The following NETO2 variants were observed in gnomAD, a reference collection of about 807,000 sequenced individuals.
NETO2 encodes neuropilin and tolloid-like protein 2.
A neutral mutation model predicts 62.5 loss-of-function variants in NETO2; 28 were observed. That is an observed-to-expected ratio of 0.45 (90% confidence interval 0.33 to 0.61). NETO2 has a LOEUF of 0.61. Ranked by LOEUF, NETO2 falls within the 20% of genes least tolerant of loss-of-function variation. NETO2 has a pLI of 0.02. For missense variants in NETO2, 548 were observed against 643.2 expected (o/e 0.85, Z 1.60); for synonymous variants, 214 against 219.1 (o/e 0.98, Z 0.21).
At chr16:47,116,597 TTGTC>T (rs1017341123) in intron 6 of NETO2, among the ~76,000 whole-genome samples, 4 of 152,196 alleles carry the variant, frequency 2.6e-5, no homozygotes, top group African/African-American at 7.2e-5. Context: ...TAATGTCTCT[TTGTC>T]TGTTGGTATC....
intron 4 of NETO2, among the ~76,000 whole-genome samples, chr16:47,123,326 C>CA (rs1296797200): frequency 3.0e-4 from 46 of 151,926 alleles, no homozygotes; most frequent in African/African-American, 9.9e-4. Flanking sequence ...TACTTAACGC[C>CA]ACTGAATTAC....
Position 47,143,901 on chromosome 16 carries a change from G to A in NETO2, c.-289C>T, listed in dbSNP as rs1232307724. On this transcript the variant is annotated 5_prime_UTR_variant, in exon 1 of 9. Transcript: ENST00000562435. The stretch of plus-strand genomic sequence containing the variant: ...GAGTGCGGACGCGCGGCGCGGGACC[G>A]GCAGGCAGCTCCGCCCGCGGCCCCG... 1.0e-4 allele frequency: 21 copies of A among 210,002 alleles called. No homozygotes were observed. The highest frequency in any genetic ancestry group is 6.8e-4 in the East Asian group (6 of 8,798). The allele number at this position is 210,002 out of a possible 1,614,324, so 13.0% of individuals were successfully genotyped here.
chr16:47,138,695 C>A (rs1387454431), intron 1 of NETO2, among the ~76,000 whole-genome samples: 2 of 152,198 alleles, frequency 1.3e-5, no homozygotes, highest in African/African-American at 4.8e-5. Context: ...TACACAGCAG[C>A]CAGTGACCTT....
intron 7 of NETO2, among the ~76,000 whole-genome samples, chr16:47,097,290 C>T (rs1204868323): frequency 6.6e-6 from 1 of 152,224 alleles, no homozygotes; most frequent in African/African-American, 2.4e-5. Flanking sequence ...TTCTCACTGC[C>T]AGCACAGCAG....
chr16:47,134,227 G>C (rs1029423892), intron 1 of NETO2, among the ~76,000 whole-genome samples: 1 of 151,988 alleles, frequency 6.6e-6, no homozygotes, highest in Non-Finnish European at 1.5e-5. Flanking sequence ...TATTCAGTTC[G>C]TATCTTAAAA....
chr16:47,115,962 T>C (rs1963912659), intron 6 of NETO2, among the ~76,000 whole-genome samples: 2 of 151,662 alleles, frequency 1.3e-5, no homozygotes, highest in African/African-American at 4.8e-5. Flanking sequence ...TATGGAAATT[T>C]TTATATAGAC....
In NETO2 at chr16:47,107,604, T is replaced by C. The variant is rs1963702037; in HGVS notation, c.883+1879A>G. Among the ~76,000 whole-genome samples the C allele has an allele frequency of 3.3e-5, 5 of 152,172 alleles. No homozygotes were observed. The South Asian group carries it at 1.0e-3, about 32-fold the overall frequency. On this transcript the variant is annotated intron_variant, in intron 7 of 8. Transcript: ENST00000562435. Reference sequence around the variant, plus strand: ...CTTGGAAATGCGGCTGGTCCAGCGTTGGGTCAGGGAAAACACTAGTTGAGC... The same window carrying C: ...CTTGGAAATGCGGCTGGTCCAGCGTCGGGTCAGGGAAAACACTAGTTGAGC...
chr16:47,127,717 C>A (rs989118265), intron 4 of NETO2, among the ~76,000 whole-genome samples: 6 of 152,188 alleles, frequency 3.9e-5, no homozygotes, highest in African/African-American at 1.4e-4. Flanking sequence ...TCTGAAGTGG[C>A]CAAATTTGAG....
At chr16:47,116,314 C>T (rs1299457887) in intron 6 of NETO2, among the ~76,000 whole-genome samples, 1 of 151,990 alleles carries the variant, frequency 6.6e-6, no homozygotes, top group East Asian at 1.9e-4. Flanking sequence ...AGATACCCTT[C>T]TTCAGGTTAT....
At chr16:47,088,349 G>A (rs141889892) in intron 7 of NETO2, among the ~76,000 whole-genome samples, 3,078 of 152,170 alleles carry the variant, frequency 0.02, 105 homozygotes, top group African/African-American at 0.07. Context: ...TAAGTGATCT[G>A]CCTGCCTCAG....
intron 2 of NETO2, among the ~76,000 whole-genome samples, chr16:47,129,963 C>T (rs7200954): frequency 0.36 from 54,562 of 152,006 alleles, 11,623 homozygotes; most frequent in East Asian, 0.74. Context: ...TTTAAAAACA[C>T]GAGGCTAGTT....
At chr16:47,104,329 G>C (rs1963623123) in intron 7 of NETO2, among the ~76,000 whole-genome samples, 1 of 152,156 alleles carries the variant, frequency 6.6e-6, no homozygotes, top group Admixed American at 6.5e-5. Flanking sequence ...AACTAAGGGG[G>C]CAAAACATTT....
chr16:47,086,990 A>G (rs1963203688), intron 7 of NETO2, among the ~76,000 whole-genome samples: 2 of 152,014 alleles, frequency 1.3e-5, no homozygotes, highest in Non-Finnish European at 2.9e-5. Flanking sequence ...TACAACATGG[A>G]CAAAGCCACA....
intron 4 of NETO2, among the ~76,000 whole-genome samples, chr16:47,127,639 A>G (rs1305264383): frequency 6.6e-6 from 1 of 152,190 alleles, no homozygotes; most frequent in African/African-American, 2.4e-5. Flanking sequence ...AGGTTCCTAG[A>G]GGGAGTGAGG....
Position 47,083,436 on chromosome 16 carries a change from T to G in NETO2, c.1363A>C (p.Ser455Arg), listed in dbSNP as rs199738684. The change falls in exon 9 of 9, where the codon AGT (serine) becomes CGT (arginine). Residue 455 changes from serine to arginine, a missense_variant. Coordinates refer to ENST00000562435, the MANE Select transcript of NETO2 (RefSeq NM_018092.5). ...SSVKQSRTNL[S>R]SMELPFRNDF... ...TTTCGGAAAGGAAGTTCCATGGAACTGAGGTTGGTCCTGCTTTGTTTGACG... is the reference window on the plus strand; with the variant it reads ...TTTCGGAAAGGAAGTTCCATGGAACGGAGGTTGGTCCTGCTTTGTTTGACG... 1 of 1,614,194 alleles carries G rather than the reference T, an allele frequency of 6.2e-7. No individual in the cohort carries two copies. The highest frequency in any genetic ancestry group is 2.2e-5 in the East Asian group (1 of 44,882).
chr16:47,128,700 T>C (rs187836897), intron 3 of NETO2, 127 bp from the exon 4 acceptor site: 16 of 961,596 alleles, frequency 1.7e-5, no homozygotes, highest in East Asian at 1.2e-4. Flanking sequence ...TTAGTGAGAA[T>C]TGCTATACAA....
chr16:47,087,798 C>G (rs1156819703), intron 7 of NETO2, among the ~76,000 whole-genome samples: 1 of 152,128 alleles, frequency 6.6e-6, no homozygotes, highest in Non-Finnish European at 1.5e-5. Flanking sequence ...TCAAATGTTA[C>G]CATCTGTGAA....
intron 6 of NETO2, among the ~76,000 whole-genome samples, chr16:47,121,320 C>A (rs1964035213): frequency 6.6e-6 from 1 of 152,104 alleles, no homozygotes; most frequent in African/African-American, 2.4e-5. Flanking sequence ...AGCTGACCTG[C>A]AGCAGTGTTT....
intron 7 of NETO2, among the ~76,000 whole-genome samples, chr16:47,103,382 C>A (rs969406307): frequency 1.3e-5 from 2 of 151,988 alleles, no homozygotes; most frequent in Non-Finnish European, 2.9e-5. Context: ...CAGGTGTATA[C>A]CTATGTAACA....
Sources: gnomAD v4.1 joint callset for allele counts (sites outside exome capture counted in the v4.1 genomes callset) on GRCh38, gnomAD v4.1.1 for gene constraint, MANE v1.5 for transcripts, NCBI Gene and HGNC (gene_info 2026-07-23, HGNC 2026-07-21) for gene names.